The following FREY1 variants were observed in gnomAD, a reference collection of about 807,000 sequenced individuals.
The protein encoded by FREY1 is protein Frey 1.
chr11:45,906,593 C>A, the FREY1 span: 3 of 1,570,988 alleles, frequency 1.9e-6, no homozygotes, highest in Non-Finnish European at 2.6e-6. Flanking sequence ...CATAGTAATA[C>A]TCGGCAAGGT....
At chr11:45,906,973 G>C in the FREY1 span, 1 of 1,611,902 alleles carries the variant, frequency 6.2e-7, no homozygotes, top group Middle Eastern at 1.7e-4. Context: ...CTCAGCCCTG[G>C]CCCAGAAGGC....
the FREY1 span, chr11:45,906,753 C>G: frequency 1.3e-6 from 2 of 1,593,416 alleles, no homozygotes; most frequent in East Asian, 4.5e-5. Context: ...ACTGAAGTCA[C>G]CCTTGAACAG....
chr11:45,906,962 G>T, the FREY1 span: 3 of 1,613,316 alleles, frequency 1.9e-6, no homozygotes, highest in Middle Eastern at 3.4e-4. Flanking sequence ...ATGTCGGGGT[G>T]CTCAGCCCTG....
the FREY1 span, chr11:45,906,957 G>C: frequency 1.2e-6 from 2 of 1,613,520 alleles, no homozygotes; most frequent in Admixed American, 1.7e-5. Context: ...GGGAGATGTC[G>C]GGGTGCTCAG....
At chr11:45,906,819 C>CGAG in the FREY1 span, 1 of 1,610,574 alleles carries the variant, frequency 6.2e-7, no homozygotes, top group Non-Finnish European at 8.5e-7. Context: ...CTCTTAGGGG[C>CGAG]GTCTCCACTG....
chr11:45,906,596 G>A, the FREY1 span: 24 of 1,573,052 alleles, frequency 1.5e-5, 1 homozygote, highest in Middle Eastern at 3.4e-4. Flanking sequence ...AGTAATACTC[G>A]GCAAGGTCGG....
chr11:45,906,991 A>G, the FREY1 span: 16 of 1,603,424 alleles, frequency 1.0e-5, no homozygotes, highest in East Asian at 2.2e-5. Flanking sequence ...GGCCACCGCC[A>G]CCTCCTTGTG....
the FREY1 span, chr11:45,906,671 C>T: frequency 6.3e-7 from 1 of 1,587,974 alleles, no homozygotes; most frequent in Admixed American, 1.8e-5. Flanking sequence ...GCCTTGGGTG[C>T]TTGGGGAGGA....
At chr11:45,907,256 G>GGTCCTGGCTCCT in the FREY1 span, 1 of 1,534,116 alleles carries the variant, frequency 6.5e-7, no homozygotes, top group Non-Finnish European at 8.8e-7. Context: ...CTCCTACACG[G>GGTCCTGGCTCCT]GTCCTGGCTC....
chr11:45,907,267 C>T, the FREY1 span: 10 of 1,515,898 alleles, frequency 6.6e-6, no homozygotes, highest in African/African-American at 1.4e-5. Flanking sequence ...GTCCTGGCTC[C>T]TGTCGTCCCT....
At chr11:45,906,755 C>A in the FREY1 span, 4 of 1,594,584 alleles carry the variant, frequency 2.5e-6, no homozygotes, top group Non-Finnish European at 3.4e-6. Context: ...TGAAGTCACC[C>A]TTGAACAGAT....
At chr11:45,906,543 CATGGTATCTTT>C in the FREY1 span, 1 of 1,511,996 alleles carries the variant, frequency 6.6e-7, no homozygotes, top group Non-Finnish European at 8.9e-7. Flanking sequence ...CTTTGTCACA[CATGGTATCTTT>C]ATGAGGGCCT....
chr11:45,907,005 G>T, the FREY1 span: 2 of 1,586,510 alleles, frequency 1.3e-6, no homozygotes, highest in East Asian at 2.2e-5. Context: ...CCTTGTGAAT[G>T]GGGGGATGGC....
At chr11:45,907,058 C>T in the FREY1 span, 6 of 1,531,192 alleles carry the variant, frequency 3.9e-6, no homozygotes, top group Non-Finnish European at 5.4e-6. Flanking sequence ...GCCCAGGGTA[C>T]CAGGGCCAGC....
At chr11:45,907,044 G>T in the FREY1 span, 2,761 of 1,544,616 alleles carry the variant, frequency 1.8e-3, 8 homozygotes, top group Non-Finnish European at 2.1e-3. Context: ...GCAAGCCCTC[G>T]AACGCCCAGG....
the FREY1 span, chr11:45,906,552 T>C: frequency 6.6e-7 from 1 of 1,518,242 alleles, no homozygotes; most frequent in Non-Finnish European, 8.8e-7. Flanking sequence ...ACATGGTATC[T>C]TTATGAGGGC....
chr11:45,906,992 C>CCTCCTT, the FREY1 span: 7 of 1,602,926 alleles, frequency 4.4e-6, no homozygotes, highest in Non-Finnish European at 6.0e-6. Flanking sequence ...GCCACCGCCA[C>CCTCCTT]CTCCTTGTGA....
chr11:45,907,138 G>C, the FREY1 span: 1 of 1,556,162 alleles, frequency 6.4e-7, no homozygotes, highest in African/African-American at 1.4e-5. Context: ...TGTGCCCCAG[G>C]AGTCACCTCA....
the FREY1 span, chr11:45,907,271 C>T: frequency 4.6e-6 from 7 of 1,505,732 alleles, no homozygotes; most frequent in African/African-American, 5.6e-5. Context: ...TGGCTCCTGT[C>T]GTCCCTATGC....
Sources: gnomAD v4.1 joint callset for allele counts on GRCh38, gnomAD v4.1.1 for gene constraint, MANE v1.5 for transcripts, NCBI Gene and HGNC (gene_info 2026-07-23, HGNC 2026-07-21) for gene names.